RCBTB2: variants seen among roughly 807,000 people sequenced by gnomAD.
RCBTB2 encodes the protein RCC1 and BTB domain containing protein 2, also known as RCC1 and BTB domain-containing protein 2.
RCBTB2 carries 55 observed loss-of-function variants against 65.4 expected under a neutral mutation model. The observed-to-expected ratio is 0.84, with a 90% CI of 0.68 to 1.05. The LOEUF is 1.05. RCBTB2 is among the 50% of genes least tolerant of loss of function. The probability of loss-of-function intolerance (pLI) is 0.00; values close to 1 mark genes in which losing one functional copy is unlikely to be tolerated. For synonymous variants in RCBTB2, 220 were observed against 255.2 expected, an observed-to-expected ratio of 0.86 and a Z score of 1.31; for missense variants, 599 against 680.1, an observed-to-expected ratio of 0.88 and a Z score of 1.33.
intron 6 of RCBTB2, among the ~76,000 whole-genome samples, chr13:48,513,671 C>CAAG (rs1433743312): frequency 2.6e-5 from 4 of 152,164 alleles, no homozygotes; most frequent in Admixed American, 2.0e-4. Flanking sequence ...TGGATCTTTT[C>CAAG]AAATCTTCTA....
At chr13:48,500,573 TG>T (rs984273360) in intron 12 of RCBTB2, among the ~76,000 whole-genome samples, 1 of 151,318 alleles carries the variant, frequency 6.6e-6, no homozygotes, top group African/African-American at 2.4e-5. Context: ...AAAAATAAGG[TG>T]GGGGGAAATT....
rs777707173 is a variant in RCBTB2, at chr13:48,512,947, A to C, written c.350-52T>G. Reference sequence around the variant, plus strand: ...TTTTTTACAACATCTACTTCATTATACGAAAATATATGTAGCACAGCTTCC... The same window carrying C: ...TTTTTTACAACATCTACTTCATTATCCGAAAATATATGTAGCACAGCTTCC... On this transcript the variant is annotated intron_variant, in intron 6 of 14. Transcript: ENST00000344532. 3 of 1,458,926 alleles carry C rather than the reference A, an allele frequency of 2.1e-6. No homozygotes were observed. In the Admixed American group the frequency reaches 5.6e-5, roughly 27 times the overall value. 90.4% of individuals were successfully genotyped at this position (1,458,926 alleles called of 1,614,324 possible).
intron 4 of RCBTB2, 145 bp from the exon 5 acceptor site, chr13:48,515,886 T>C (rs1951060330): frequency 1.2e-6 from 1 of 824,656 alleles, no homozygotes. Context: ...GCTGCAGGGA[T>C]TGCCTCTGCC....
chr13:48,496,845 G>C (rs1300268306), intron 13 of RCBTB2, among the ~76,000 whole-genome samples: 1 of 138,014 alleles, frequency 7.2e-6, no homozygotes, highest in East Asian at 2.2e-4. Flanking sequence ...GGAGGAGAGG[G>C]GAGAGGAGGG....
rs1165291489 is a variant in RCBTB2 at position 48,512,144 on chromosome 13, G to T, written c.547C>A (p.Gln183Lys). 6.2e-7 allele frequency: 1 copy of T among 1,613,992 alleles called. No individual in the cohort carries two copies. ...VFAWGYNNSG[Q>K]VGSGSTVNQP... ...TTAACTGTTGATCCAGATCCTACCT[G>T]CCCAGAGTTATTATAACCCCAGGCA... Residue 183 changes from glutamine (Q) to lysine (K), a missense_variant, in exon 8 of 15, where the codon CAG becomes AAG. Gln to Lys is a moderately conservative substitution (Grantham distance 53, BLOSUM62 1). Transcript: ENST00000344532.
upstream of RCBTB2, among the ~76,000 whole-genome samples, chr13:48,533,945 C>CA (rs1952312742): frequency 6.6e-6 from 1 of 151,812 alleles, no homozygotes; most frequent in South Asian, 2.1e-4. Context: ...GTAGTAAAGC[C>CA]AAAGAGAAAA....
chr13:48,518,272 C>T (rs897523199), intron 4 of RCBTB2, among the ~76,000 whole-genome samples: 8 of 151,982 alleles, frequency 5.3e-5, no homozygotes, highest in Non-Finnish European at 5.9e-5. Context: ...AGAGCCTGTA[C>T]CAGGGCTAAG....
At chr13:48,495,047 A>G (rs1345655086) in intron 14 of RCBTB2, among the ~76,000 whole-genome samples, 1 of 152,170 alleles carries the variant, frequency 6.6e-6, no homozygotes, top group East Asian at 1.9e-4. Flanking sequence ...AGTATTATTT[A>G]TGTAAACAGA....
At position 48,499,142 on chromosome 13, in the gene RCBTB2, A is replaced by T. The variant is rs865862441; in HGVS notation, c.1384+479T>A. Among the ~76,000 whole-genome samples the T allele has an allele frequency of 7.7e-3, 1,015 of 132,290 alleles. 18 individuals are homozygous for T. Among genetic ancestry groups the T allele is most frequent in the African/African-American group, 0.02 (692 of 34,190 alleles). 86.8% of individuals were successfully genotyped at this position (132,290 alleles called of 152,430 possible). A position where few individuals can be genotyped will look rare whatever the true frequency, so the allele number is the denominator to read the frequency against. On this transcript the variant is annotated intron_variant, in intron 13 of 14. Transcript: ENST00000344532. ...CACACACACACACACACACACACAC[A>T]CTCTCTCTCTCTCTCTCTCTCTCTC...
At chr13:48,501,430 G>T (rs1950226432) in intron 12 of RCBTB2, among the ~76,000 whole-genome samples, 1 of 152,128 alleles carries the variant, frequency 6.6e-6, no homozygotes, top group Admixed American at 6.5e-5. Flanking sequence ...GTAACTGATG[G>T]ACGTCCAAGT....
chr13:48,496,887 C>T lies in RCBTB2; in HGVS notation c.1385-566G>A, dbSNP rs369861410. ...AGACCCTTTCATGGACACGTGTCTT[C>T]CTCCTGTTACCCTATCCCACTGCTC... is the stretch of plus-strand genomic sequence containing the variant. On this transcript the variant is annotated intron_variant, in intron 13 of 14. Coordinates refer to ENST00000344532, the MANE Select transcript of RCBTB2 (RefSeq NM_001268.4). Among the ~76,000 whole-genome samples, 11 of 148,364 alleles carry T rather than the reference C, an allele frequency of 7.4e-5. No individual in the cohort carries two copies. In the East Asian group the frequency reaches 1.8e-3, roughly 24 times the overall value.
At chr13:48,518,423 T>G (rs112199329) in intron 4 of RCBTB2, among the ~76,000 whole-genome samples, 3 of 148,082 alleles carry the variant, frequency 2.0e-5, no homozygotes, top group African/African-American at 7.5e-5. Flanking sequence ...CAGTGCTTAC[T>G]GTTTCTGCAT....
intron 14 of RCBTB2, among the ~76,000 whole-genome samples, chr13:48,494,434 T>G (rs1012312657): frequency 5.3e-5 from 8 of 152,154 alleles, no homozygotes; most frequent in Non-Finnish European, 1.2e-4. Context: ...CAACAGTGCA[T>G]CTCTATAGGC....
chr13:48,495,610 T>A (rs924505709), intron 14 of RCBTB2, among the ~76,000 whole-genome samples: 1 of 152,224 alleles, frequency 6.6e-6, no homozygotes, highest in Non-Finnish European at 1.5e-5. Context: ...CCTTGAAGAA[T>A]TATGTCTTTA....
rs200382381 is a variant in RCBTB2, at chr13:48,512,932, C to A, written c.350-37G>T. 3.2e-6 allele frequency: 5 copies of A among 1,541,942 alleles called. No homozygotes were observed. In the African/African-American group the frequency reaches 4.1e-5, roughly 13 times the overall value. On this transcript the variant is annotated intron_variant, in intron 6 of 14. Transcript: ENST00000344532. ...AAGAAAGACAATCAGTTTTTTACAA[C>A]ATCTACTTCATTATACGAAAATATA...
At chr13:48,531,856 C>CA (rs1373291208) in intron 1 of RCBTB2, among the ~76,000 whole-genome samples, 1 of 152,180 alleles carries the variant, frequency 6.6e-6, no homozygotes, top group African/African-American at 2.4e-5. Flanking sequence ...AAACTCTTCA[C>CA]AGTAGCCCCA....
In RCBTB2 at chr13:48,510,714, A is replaced by C. The variant is rs779852598; in HGVS notation, c.841T>G (p.Trp281Gly). ...VLTDEGQVYA[W>G]GANSYGQLGT... The stretch of plus-strand genomic sequence containing the variant: ...AACTGCCCATAAGAATTGGCGCCCC[A>C]AGCATACACTTGGCCTTCATCTGTT... Residue 281 changes from tryptophan to glycine, a missense_variant, in exon 10 of 15, where the codon TGG becomes GGG. Physicochemically the swap from Trp to Gly is radical, Grantham distance 184. Transcript: ENST00000344532. The C allele has an allele frequency of 6.2e-7, 1 of 1,614,140 alleles. No homozygotes were observed. Among genetic ancestry groups the C allele is most frequent in the East Asian group, 2.2e-5 (1 of 44,886 alleles).
At chr13:48,533,403 G>A (rs1300904955), upstream of RCBTB2, 5 of 255,756 alleles carry the variant, frequency 2.0e-5, no homozygotes, top group Non-Finnish European at 3.1e-5. Context: ...GGGAATTTGT[G>A]GATACCCGAC....
chr13:48,532,658 T>C (rs1300472829), intron 1 of RCBTB2: 1 of 250,330 alleles, frequency 4.0e-6, no homozygotes, highest in African/African-American at 2.4e-5. Flanking sequence ...ACGCGACCCC[T>C]ACCAGAGGAC....
Sources: allele counts gnomAD v4.1 joint callset (sites outside exome capture counted in the v4.1 genomes callset), GRCh38; gene constraint gnomAD v4.1.1; transcripts MANE v1.5; gene names NCBI Gene and HGNC (gene_info 2026-07-23, HGNC 2026-07-21).